Variants in PLEKHG1 observed in about 807,000 individuals in gnomAD.
The protein encoded by PLEKHG1 is pleckstrin homology and RhoGEF domain containing G1.
PLEKHG1 carries 44 observed loss-of-function variants against 100.8 expected under a neutral mutation model. The observed-to-expected ratio is 0.44, with a 90% CI of 0.34 to 0.56. The LOEUF (loss-of-function observed/expected upper bound fraction) is 0.56, where lower values mean the gene tolerates loss of function less well. PLEKHG1 is among the 20% of genes least tolerant of loss of function. PLEKHG1 has a pLI of 0.01. For missense variants in PLEKHG1, 1,545 were observed against 1,720.9 expected (o/e 0.90, Z 1.81); for synonymous variants, 640 against 662.5 (o/e 0.97, Z 0.52).
At chr6:150,613,336 G>T (rs575200074) in intron 1 of PLEKHG1, among the ~76,000 whole-genome samples, 146 of 152,276 alleles carry the variant, frequency 9.6e-4, no homozygotes, top group South Asian at 3.9e-3. Flanking sequence ...TCATTTTTAT[G>T]TATAGCATGT....
chr6:150,766,509 T>C lies in PLEKHG1; in HGVS notation c.412-2129T>C, dbSNP rs111549712. Among the ~76,000 whole-genome samples the C allele has an allele frequency of 4.6e-4, 70 of 152,384 alleles. 1 individual carries two copies. Among genetic ancestry groups the C allele is most frequent in the African/African-American group, 1.4e-3 (59 of 41,596 alleles). ...GTATTAGATTTAAAAGATGTACTTATGATCAGTGGGGGGGAACAAGTTATG... is the reference window on the plus strand; with the variant it reads ...GTATTAGATTTAAAAGATGTACTTACGATCAGTGGGGGGGAACAAGTTATG... On this transcript the variant is annotated intron_variant, in intron 2 of 15. Coordinates refer to ENST00000358517, the Ensembl canonical transcript of PLEKHG1.
At chr6:150,701,025 A>G (rs892599155) in intron 3 of PLEKHG1, among the ~76,000 whole-genome samples, 1 of 151,490 alleles carries the variant, frequency 6.6e-6, no homozygotes, top group Admixed American at 6.6e-5. Context: ...CTGGTGTTAA[A>G]ATTTTATATT....
chr6:150,786,917 A>G (rs1785657267), intron 4 of PLEKHG1, among the ~76,000 whole-genome samples: 1 of 151,878 alleles, frequency 6.6e-6, no homozygotes, highest in African/African-American at 2.4e-5. Context: ...AATCCCAGCT[A>G]CTAGGGTGGC....
chr6:150,627,521 A>C (rs1777557261), intron 1 of PLEKHG1, among the ~76,000 whole-genome samples: 1 of 152,162 alleles, frequency 6.6e-6, no homozygotes, highest in African/African-American at 2.4e-5. Context: ...AAAAAAAATC[A>C]ACACCAACAT....
rs559154340 is a variant in PLEKHG1, at chr6:150,819,030, C to T, written c.1313-649C>T. Among the ~76,000 whole-genome samples the T allele has an allele frequency of 3.3e-5, 5 of 152,256 alleles. No individual in the cohort carries two copies. In the East Asian group the frequency reaches 9.6e-4, roughly 29 times the overall value. On this transcript the variant is annotated intron_variant, in intron 11 of 15. Transcript: ENST00000358517. ...GCTCCCATCTCGCATCCAACAGACC[C>T]GAGAAATGATGCCCAGAGCTCCCCA...
chr6:150,809,884 A>C lies in PLEKHG1; in HGVS notation c.1278+150A>C, dbSNP rs1478404594. ...ACTGTCTCAAAATAAAAACAAAGAG[A>C]CTGGGTCAAAAAAAAAAAAAAGAGT... On this transcript the variant is annotated intron_variant, in intron 10 of 15. Transcript: ENST00000358517. The C allele has an allele frequency of 1.8e-5, 7 of 392,254 alleles. No homozygotes were observed. The East Asian group carries it at 2.2e-4, about 12-fold the overall frequency. The allele number at this position is 392,254 out of a possible 1,614,324, so 24.3% of individuals were successfully genotyped here.
At position 150,779,344 on chromosome 6, in the gene PLEKHG1, G is replaced by GTTTGTTT. The variant is rs1257363893; in HGVS notation, c.513-7043_513-7042insGTTTTTT. ...ACAGGGGGTTAAATATTGTCAAGAA[G>GTTTGTTT]TTTTTTTTTTTTTTTTTTTGAGACA... On this transcript the variant is annotated intron_variant, in intron 3 of 15. Transcript: ENST00000358517. Among the ~76,000 whole-genome samples, 12 of 104,538 alleles carry GTTTGTTT rather than the reference G, an allele frequency of 1.1e-4. 3 individuals carry two copies. The highest frequency in any genetic ancestry group is 5.2e-4 in the African/African-American group (12 of 23,228). 68.6% of individuals were successfully genotyped at this position (104,538 alleles called of 152,430 possible).
intron 1 of PLEKHG1, among the ~76,000 whole-genome samples, chr6:150,626,458 C>T (rs1052341004): frequency 1.3e-5 from 2 of 152,136 alleles, no homozygotes; most frequent in South Asian, 2.1e-4. Flanking sequence ...TGTCTGCCTG[C>T]GAAGGGGCGT....
chr6:150,622,797 G>A (rs984493521), intron 1 of PLEKHG1, among the ~76,000 whole-genome samples: 4 of 152,152 alleles, frequency 2.6e-5, no homozygotes, highest in African/African-American at 9.7e-5. Flanking sequence ...TCTATAAGTT[G>A]AAATTTAAAA....
upstream of PLEKHG1, among the ~76,000 whole-genome samples, chr6:150,720,370 A>G (rs1445829016): frequency 2.6e-5 from 4 of 152,386 alleles, no homozygotes; most frequent in South Asian, 2.1e-4. Flanking sequence ...TATGAATACT[A>G]GATCATTCTG....
At chr6:150,725,939 A>C (rs930416746) in intron 1 of PLEKHG1, among the ~76,000 whole-genome samples, 1 of 152,156 alleles carries the variant, frequency 6.6e-6, no homozygotes, top group Non-Finnish European at 1.5e-5. Context: ...ACCATAAAAA[A>C]AAGAAGGAAA....
At chr6:150,644,437 T>G (rs1778408180) in intron 2 of PLEKHG1, among the ~76,000 whole-genome samples, 1 of 148,454 alleles carries the variant, frequency 6.7e-6, no homozygotes, top group Non-Finnish European at 1.5e-5. Flanking sequence ...TGGGTTCAAG[T>G]GATTTTCCTG....
chr6:150,819,758 G>T (rs770496170), exon 12 of PLEKHG1: 2 of 1,600,660 alleles, frequency 1.2e-6, no homozygotes, highest in East Asian at 4.5e-5. Context: ...CTCCATATCG[G>T]CTGAGAAGAA....
chr6:150,802,018 T>C (rs1035718035), intron 6 of PLEKHG1, among the ~76,000 whole-genome samples: 2 of 152,214 alleles, frequency 1.3e-5, no homozygotes, highest in African/African-American at 4.8e-5. Context: ...TAAAGGAATT[T>C]TAATTCAGAG....
At chr6:150,838,861 T>C (rs1777365728) in intron 15 of PLEKHG1, among the ~76,000 whole-genome samples, 1 of 152,202 alleles carries the variant, frequency 6.6e-6, no homozygotes, top group South Asian at 2.1e-4. Context: ...TAGGCTTTAG[T>C]GCTCTGCTTC....
In PLEKHG1 at chr6:150,714,087, G is replaced by A. The variant is rs187958223; in HGVS notation, c.-98-19497G>A. On this transcript the variant is annotated intron_variant, in intron 3 of 3. Coordinates refer to the PLEKHG1 transcript ENST00000367326. ...GTGTTGAATGCCTTTACTTATGAAT[G>A]GATTAGATGTGTGTTATCTCCTGGA... 9.8e-5 allele frequency among the ~76,000 whole-genome samples: 15 copies of A among 152,288 alleles called. 1 individual carries two copies. Among genetic ancestry groups the A allele is most frequent in the Admixed American group, 7.2e-4 (11 of 15,304 alleles).
At chr6:150,653,580 A>G (rs542758032) in intron 3 of PLEKHG1, among the ~76,000 whole-genome samples, 6 of 152,068 alleles carry the variant, frequency 3.9e-5, no homozygotes, top group Non-Finnish European at 5.9e-5. Context: ...GTGAGACCCC[A>G]TCTCTGCAAA....
At chr6:150,818,131 T>C in intron 10 of PLEKHG1, 52 bp from the exon 12 acceptor site, 11 of 1,441,726 alleles carry the variant, frequency 7.6e-6, no homozygotes, top group Non-Finnish European at 1.1e-5. Context: ...AGATTTGGAG[T>C]TTAAAGAAAA....
At chr6:150,618,410 T>C (rs531126159) in intron 1 of PLEKHG1, among the ~76,000 whole-genome samples, 26 of 152,342 alleles carry the variant, frequency 1.7e-4, no homozygotes, top group African/African-American at 4.8e-4. Flanking sequence ...TATTAACATG[T>C]TCTCCAGGCC....
Sources: allele counts gnomAD v4.1 joint callset (sites outside exome capture counted in the v4.1 genomes callset), GRCh38; gene constraint gnomAD v4.1.1; transcripts MANE v1.5; gene names NCBI Gene and HGNC (gene_info 2026-07-23, HGNC 2026-07-21).